AFG1L: variants seen among roughly 807,000 people sequenced by gnomAD.
AFG1L encodes the protein AFG1 like ATPase, also known as AFG1-like ATPase.
In AFG1L, 53 loss-of-function variants were observed where a neutral mutation model predicts 62.2. The ratio of observed to expected loss-of-function variants is 0.85; its 90% CI spans 0.68 to 1.07. The LOEUF is 1.07. AFG1L is among the 50% of genes least tolerant of loss of function. AFG1L has a pLI of 0.00. For missense variants in AFG1L, 555 were observed against 590.5 expected (o/e 0.94, Z 0.62); for synonymous variants, 228 against 210.3 (o/e 1.08, Z -0.73).
chr6:108,295,058 C>A lies in AFG1L; in HGVS notation c.-22C>A, dbSNP rs1311057300. The A allele has an allele frequency of 3.7e-6, 6 of 1,609,320 alleles. No homozygotes were observed. Among genetic ancestry groups the A allele is most frequent in the Non-Finnish European group, 5.1e-6 (6 of 1,179,922 alleles). On this transcript the variant is annotated 5_prime_UTR_variant, in exon 1 of 13. Transcript: ENST00000368977. ...GGGTTCCAATAAAGTTTTCCTCTTC[C>A]TCTCCTCGTACGGAGTTCAAGATGG... is the stretch of plus-strand genomic sequence containing the variant.
intron 2 of AFG1L, among the ~76,000 whole-genome samples, chr6:108,329,195 C>T (rs1694246360): frequency 1.3e-5 from 2 of 152,058 alleles, no homozygotes; most frequent in Admixed American, 1.3e-4. Flanking sequence ...CCATCTTGGC[C>T]TCACAAAGTG....
At chr6:108,522,203 C>T (rs1464107265) in intron 12 of AFG1L, 94 bp from the exon 13 acceptor site, 66 of 1,142,004 alleles carry the variant, frequency 5.8e-5, no homozygotes, top group South Asian at 4.7e-4. Flanking sequence ...TAATCTAAAC[C>T]GGTAAGCCTA....
intron 6 of AFG1L, among the ~76,000 whole-genome samples, chr6:108,397,656 C>T (rs1250376195): frequency 3.3e-5 from 5 of 152,144 alleles, no homozygotes; most frequent in African/African-American, 1.2e-4. Flanking sequence ...CTTCTATTCT[C>T]TGTGAGTTTA....
intron 6 of AFG1L, among the ~76,000 whole-genome samples, chr6:108,389,899 T>G (rs538854759): frequency 6.0e-4 from 91 of 152,260 alleles, no homozygotes; most frequent in African/African-American, 2.1e-3. Context: ...GCGTTCTCTG[T>G]TTTTCCTGAA....
At chr6:108,491,772 A>T (rs1773786930) in intron 10 of AFG1L, among the ~76,000 whole-genome samples, 2 of 152,300 alleles carry the variant, frequency 1.3e-5, no homozygotes, top group Non-Finnish European at 1.5e-5. Context: ...TCTTGCCCTG[A>T]TTCACTTTTT....
At chr6:108,356,213 T>C (rs1337485512) in intron 4 of AFG1L, among the ~76,000 whole-genome samples, 1 of 152,212 alleles carries the variant, frequency 6.6e-6, no homozygotes, top group Admixed American at 6.5e-5. Context: ...GCAGGAATCA[T>C]GTGTTTTTTT....
chr6:108,308,175 G>A (rs1777276188), intron 1 of AFG1L, among the ~76,000 whole-genome samples: 1 of 151,918 alleles, frequency 6.6e-6, no homozygotes. Context: ...TTTGAGACTA[G>A]ATCTCTCTGT....
At chr6:108,326,102 A>G (rs562900026) in intron 2 of AFG1L, among the ~76,000 whole-genome samples, 9 of 152,152 alleles carry the variant, frequency 5.9e-5, no homozygotes, top group African/African-American at 2.2e-4. Flanking sequence ...ATACTGTCTC[A>G]TTCTGTCACC....
chr6:108,382,461 G>A (rs1780590259), intron 6 of AFG1L, among the ~76,000 whole-genome samples: 1 of 152,098 alleles, frequency 6.6e-6, no homozygotes, highest in Admixed American at 6.5e-5. Context: ...TTGGCTAACA[G>A]TTATGGGTAT....
chr6:108,322,236 T>C (rs1397860818), intron 1 of AFG1L, among the ~76,000 whole-genome samples: 1 of 152,080 alleles, frequency 6.6e-6, no homozygotes, highest in Non-Finnish European at 1.5e-5. Context: ...TACATAAAAA[T>C]CCAGGTAGGC....
chr6:108,407,295 G>A (rs896130593), intron 7 of AFG1L, among the ~76,000 whole-genome samples: 1 of 152,080 alleles, frequency 6.6e-6, no homozygotes, highest in Admixed American at 6.5e-5. Flanking sequence ...TGCTCCTTTG[G>A]CTAAAGAGAA....
chr6:108,493,201 A>T (rs1403771199), intron 10 of AFG1L, among the ~76,000 whole-genome samples: 1 of 152,226 alleles, frequency 6.6e-6, no homozygotes, highest in Non-Finnish European at 1.5e-5. Flanking sequence ...TTCCCACAGC[A>T]TCTGATAAAC....
At chr6:108,393,009 A>G (rs965447418) in intron 6 of AFG1L, among the ~76,000 whole-genome samples, 15 of 152,080 alleles carry the variant, frequency 9.9e-5, no homozygotes, top group Admixed American at 2.6e-4. Context: ...ATCTGTAGGT[A>G]TTATAGCTAT....
chr6:108,312,573 T>C (rs1777452234), intron 1 of AFG1L, among the ~76,000 whole-genome samples: 1 of 151,918 alleles, frequency 6.6e-6, no homozygotes, highest in African/African-American at 2.4e-5. Flanking sequence ...AAAGTAATAA[T>C]AATAAAAAAG....
chr6:108,337,860 C>T (rs1778530085), intron 2 of AFG1L, among the ~76,000 whole-genome samples: 1 of 152,258 alleles, frequency 6.6e-6, no homozygotes, highest in East Asian at 1.9e-4. Flanking sequence ...TAAAGCTTTT[C>T]TGTTTTTGTT....
chr6:108,359,458 A>T (rs1241501260), intron 5 of AFG1L: 1 of 152,216 alleles, frequency 6.6e-6, no homozygotes, highest in East Asian at 1.9e-4. Flanking sequence ...GAGAAAGCAG[A>T]TGTGATAGAG....
intron 11 of AFG1L, among the ~76,000 whole-genome samples, chr6:108,510,702 T>C (rs1774611559): frequency 6.6e-6 from 1 of 152,196 alleles, no homozygotes. Context: ...GCTTCATCTA[T>C]CACGTTCTAA....
At chr6:108,521,329 T>C (rs1775115766) in intron 12 of AFG1L, 1 of 151,728 alleles carries the variant, frequency 6.6e-6, no homozygotes, top group East Asian at 1.9e-4. Flanking sequence ...CTACAAAAAA[T>C]AAAAAATAAA....
At chr6:108,351,685 T>G (rs908593315) in intron 3 of AFG1L, among the ~76,000 whole-genome samples, 6 of 152,202 alleles carry the variant, frequency 3.9e-5, no homozygotes, top group African/African-American at 2.4e-5. Context: ...ATAAGCATAT[T>G]AACTATATGT....
Sources: allele counts gnomAD v4.1 joint callset (sites outside exome capture counted in the v4.1 genomes callset), GRCh38; gene constraint gnomAD v4.1.1; transcripts MANE v1.5; gene names NCBI Gene and HGNC (gene_info 2026-07-23, HGNC 2026-07-21).